Variants in NEGR1 observed in about 807,000 individuals in gnomAD.
The protein encoded by NEGR1 is IgLON family member 4.
In NEGR1, 10 loss-of-function variants were observed where a neutral mutation model predicts 40.9. That is an observed-to-expected ratio of 0.24 (90% CI 0.15 to 0.42). The LOEUF (loss-of-function observed/expected upper bound fraction) is 0.42. Ranked by LOEUF, NEGR1 falls within the 10% of genes least tolerant of loss-of-function variation. NEGR1 has a pLI of 1.00. For missense variants in NEGR1, 352 were observed against 438.9 expected, an observed-to-expected ratio of 0.80 and a Z score of 1.77; for synonymous variants, 185 against 166.8, an observed-to-expected ratio of 1.11 and a Z score of -0.84.
chr1:72,133,947 A>C (rs1650350798), intron 1 of NEGR1, among the ~76,000 whole-genome samples: 1 of 151,866 alleles, frequency 6.6e-6, no homozygotes. Flanking sequence ...TTGATGAAAA[A>C]TCATGTGTTT....
In NEGR1 at chr1:71,579,679, A is replaced by G. The variant is rs553503074; in HGVS notation, c.940+13138T>C. Among the ~76,000 whole-genome samples, 6 of 151,558 alleles carry G rather than the reference A, an allele frequency of 4.0e-5. No individual in the cohort carries two copies. In the East Asian group the frequency reaches 9.7e-4, roughly 24 times the overall value. The stretch of plus-strand genomic sequence containing the variant: ...TCCACCTATTTCAAAGCAGTTTAAC[A>G]TATAGATTCCTCCTCCCCTGATTCT... On this transcript the variant is annotated intron_variant, in intron 6 of 6. Coordinates refer to ENST00000357731, the MANE Select transcript of NEGR1 (RefSeq NM_173808.3).
chr1:71,793,212 G>T (rs755938874), intron 2 of NEGR1, among the ~76,000 whole-genome samples: 62 of 5,994 alleles, frequency 0.01, 1 homozygote, highest in Non-Finnish European at 0.019. Context: ...ATGGAATCTT[G>T]CTCTGTCGCC....
At chr1:72,171,557 C>A (rs543052880) in intron 1 of NEGR1, among the ~76,000 whole-genome samples, 5 of 152,242 alleles carry the variant, frequency 3.3e-5, no homozygotes, top group African/African-American at 1.2e-4. Flanking sequence ...GCTGTGAGTT[C>A]TTTGTCTGCT....
intron 3 of NEGR1, among the ~76,000 whole-genome samples, chr1:71,732,959 C>T (rs934830357): frequency 1.3e-5 from 2 of 152,104 alleles, no homozygotes; most frequent in African/African-American, 2.4e-5. Flanking sequence ...ACAAACCCCA[C>T]ATAATTCCTT....
chr1:71,933,790 A>G (rs1645877574), intron 2 of NEGR1, among the ~76,000 whole-genome samples: 2 of 152,080 alleles, frequency 1.3e-5, no homozygotes, highest in Admixed American at 6.5e-5. Flanking sequence ...AAATTCATTG[A>G]CTTATTTTTC....
intron 1 of NEGR1, among the ~76,000 whole-genome samples, chr1:72,144,054 C>A (rs1036622976): frequency 7.6e-6 from 1 of 131,550 alleles, no homozygotes; most frequent in Non-Finnish European, 1.6e-5. Flanking sequence ...GTATTATATC[C>A]CTCAAATGCT....
At chr1:72,197,651 A>C (rs1653047033) in intron 1 of NEGR1, among the ~76,000 whole-genome samples, 1 of 152,028 alleles carries the variant, frequency 6.6e-6, no homozygotes, top group East Asian at 1.9e-4. Context: ...CCAAATGCTG[A>C]AACGTTTCTC....
intron 4 of NEGR1, among the ~76,000 whole-genome samples, chr1:71,621,975 A>C (rs1222628000): frequency 2.6e-5 from 4 of 151,916 alleles, no homozygotes; most frequent in African/African-American, 9.7e-5. Context: ...GGCTTACATC[A>C]TGAGTAGTTT....
chr1:71,621,181 A>T (rs116663601), intron 4 of NEGR1, among the ~76,000 whole-genome samples: 121 of 152,068 alleles, frequency 8.0e-4, no homozygotes, highest in Non-Finnish European at 1.5e-3. Context: ...TAATTTAATT[A>T]AAACCTGGAT....
At chr1:71,916,842 T>G (rs1024851577) in intron 2 of NEGR1, among the ~76,000 whole-genome samples, 1 of 152,202 alleles carries the variant, frequency 6.6e-6, no homozygotes, top group African/African-American at 2.4e-5. Flanking sequence ...TTAGACAGAT[T>G]ATTCCCAGTG....
chr1:72,129,057 C>G (rs950550133), intron 1 of NEGR1, among the ~76,000 whole-genome samples: 1 of 152,102 alleles, frequency 6.6e-6, no homozygotes, highest in African/African-American at 2.4e-5. Context: ...TGGATGAGGA[C>G]TTGAACTACA....
intron 3 of NEGR1, among the ~76,000 whole-genome samples, chr1:71,753,157 T>C (rs1655625752): frequency 6.6e-6 from 1 of 152,134 alleles, no homozygotes; most frequent in African/African-American, 2.4e-5. Context: ...ATAGGTATTT[T>C]TTGAGGTTTA....
intron 4 of NEGR1, among the ~76,000 whole-genome samples, chr1:71,616,665 G>A (rs1035204114): frequency 6.6e-6 from 1 of 152,140 alleles, no homozygotes; most frequent in African/African-American, 2.4e-5. Context: ...TGACACTTTA[G>A]TCTGCATGTG....
chr1:72,019,696 G>A (rs1646740719), intron 1 of NEGR1, among the ~76,000 whole-genome samples: 1 of 152,098 alleles, frequency 6.6e-6, no homozygotes, highest in Non-Finnish European at 1.5e-5. Flanking sequence ...TCATTACTGT[G>A]CCTAATTTGC....
intron 3 of NEGR1, among the ~76,000 whole-genome samples, chr1:71,714,586 G>A (rs1298490954): frequency 6.6e-6 from 1 of 152,124 alleles, no homozygotes; most frequent in Admixed American, 6.5e-5. Flanking sequence ...ATACACCATG[G>A]CAAATGGGAG....
chr1:72,246,198 C>CAACT lies in NEGR1; in HGVS notation c.176+36120_176+36121insAGTT, dbSNP rs2307615. Among the ~76,000 whole-genome samples the CAACT allele has an allele frequency of 4.5e-3, 678 of 151,708 alleles. 4 individuals are homozygous for CAACT. Among genetic ancestry groups the CAACT allele is most frequent in the African/African-American group, 0.015 (611 of 41,370 alleles). ...CCAGTCTTTTTCTCTCTCTTTCCAT[C>CAACT]ACTTTCCTGACTAGATGGTTGAAAC... On this transcript the variant is annotated intron_variant, in intron 1 of 6. Coordinates refer to ENST00000357731, the MANE Select transcript of NEGR1 (RefSeq NM_173808.3).
intron 1 of NEGR1, among the ~76,000 whole-genome samples, chr1:71,974,203 G>C (rs1646283025): frequency 6.6e-6 from 1 of 152,136 alleles, no homozygotes; most frequent in Non-Finnish European, 1.5e-5. Context: ...CTGTTCATTG[G>C]ACATGCTGAT....
In NEGR1 at chr1:71,939,283, T is replaced by C. The variant is rs1645938391; in HGVS notation, c.177-3972A>G. Among the ~76,000 whole-genome samples the C allele has an allele frequency of 4.6e-5, 7 of 152,174 alleles. No individual in the cohort carries two copies. The South Asian group carries it at 1.4e-3, about 32-fold the overall frequency. Reference sequence around the variant, plus strand: ...AGCGCGACTGTTCCCACACTCCCTTTATACATGTTATCTATTTACTTGATT... The same window carrying C: ...AGCGCGACTGTTCCCACACTCCCTTCATACATGTTATCTATTTACTTGATT... On this transcript the variant is annotated intron_variant, in intron 1 of 6. Transcript: ENST00000357731.
chr1:71,621,012 C>T (rs1337356885), intron 4 of NEGR1, among the ~76,000 whole-genome samples: 1 of 151,610 alleles, frequency 6.6e-6, no homozygotes, highest in Non-Finnish European at 1.5e-5. Flanking sequence ...AGTTAGTTGT[C>T]AATAAAAACA....
Sources: allele counts gnomAD v4.1 joint callset (sites outside exome capture counted in the v4.1 genomes callset), GRCh38; gene constraint gnomAD v4.1.1; transcripts MANE v1.5; gene names NCBI Gene and HGNC (gene_info 2026-07-23, HGNC 2026-07-21).